Variants in RSPH14 observed in about 807,000 individuals in gnomAD.
RSPH14 encodes the protein radial spoke head 14 homolog.
Under a neutral mutation model 26.7 loss-of-function variants are expected in RSPH14, and 20 were observed. The ratio of observed to expected loss-of-function variants is 0.75; its 90% confidence interval spans 0.53 to 1.09. RSPH14 has a LOEUF of 1.09. Ranked by LOEUF, RSPH14 falls within the 50% of genes least tolerant of loss-of-function variation. The pLI is 0.00. For missense variants in RSPH14, 449 were observed against 457.2 expected (o/e 0.98, Z 0.16); for synonymous variants, 177 against 189.3 (o/e 0.93, Z 0.53).
At chr22:23,170,192 G>C in the RSPH14 span, among the ~76,000 whole-genome samples, 2 of 151,722 alleles carry the variant, frequency 1.3e-5, no homozygotes, top group African/African-American at 4.8e-5. Flanking sequence ...GAAATATACC[G>C]TTCCTAGGTA....
intron 4 of RSPH14, among the ~76,000 whole-genome samples, chr22:23,089,012 G>A (rs796626587): frequency 9.8e-5 from 15 of 152,320 alleles, no homozygotes; most frequent in African/African-American, 3.6e-4. Context: ...CAGGGTCTGT[G>A]TGTTGAACCA....
In RSPH14 at chr22:23,087,001, C is replaced by T. The variant is rs145740350; in HGVS notation, c.422-22868G>A. Among the ~76,000 whole-genome samples, 17 of 152,270 alleles carry T rather than the reference C, an allele frequency of 1.1e-4. No individual in the cohort carries two copies. In the South Asian group the frequency reaches 1.5e-3, roughly 13 times the overall value. On this transcript the variant is annotated intron_variant, in intron 4 of 6. Transcript: ENST00000216036. ...GGAAGCACATGCGGCTCCGATAAGT[C>T]GGGCGTAAAAGGGCAGTGGAAAGTG... is the stretch of plus-strand genomic sequence containing the variant.
intron 4 of RSPH14, among the ~76,000 whole-genome samples, chr22:23,064,819 C>T (rs1327922924): frequency 6.6e-6 from 1 of 152,118 alleles, no homozygotes; most frequent in Non-Finnish European, 1.5e-5. Flanking sequence ...AGGCAAGGCT[C>T]CCCCATAAAC....
At chr22:23,121,915 T>C (rs995167397) in intron 4 of RSPH14, among the ~76,000 whole-genome samples, 2 of 151,936 alleles carry the variant, frequency 1.3e-5, no homozygotes, top group African/African-American at 4.8e-5. Flanking sequence ...TTATTTTTAG[T>C]AGAGATGAAG....
At chr22:23,165,828 C>T in the RSPH14 span, among the ~76,000 whole-genome samples, 1 of 152,104 alleles carries the variant, frequency 6.6e-6, no homozygotes, top group Non-Finnish European at 1.5e-5. Flanking sequence ...GGCTTCCTCA[C>T]AGTGTGGTGG....
At chr22:23,144,703 A>AG (rs951740074), upstream of RSPH14, among the ~76,000 whole-genome samples, 3 of 152,206 alleles carry the variant, frequency 2.0e-5, no homozygotes, top group African/African-American at 7.2e-5. Flanking sequence ...AAAAAAAAAA[A>AG]AAGACATCAA....
At chr22:23,162,646 T>G in the RSPH14 span, 1 of 456,204 alleles carries the variant, frequency 2.2e-6, no homozygotes, top group Non-Finnish European at 4.4e-6. Flanking sequence ...GTTTTCTCAC[T>G]GCTATGAACC....
At chr22:23,085,599 G>T (rs940611722) in intron 4 of RSPH14, among the ~76,000 whole-genome samples, 1 of 152,176 alleles carries the variant, frequency 6.6e-6, no homozygotes, top group African/African-American at 2.4e-5. Flanking sequence ...GATAAGAGAT[G>T]GGCTCCAGCC....
At chr22:23,064,893 G>A (rs554479158) in intron 4 of RSPH14, among the ~76,000 whole-genome samples, 10 of 152,258 alleles carry the variant, frequency 6.6e-5, no homozygotes, top group South Asian at 2.1e-4. Flanking sequence ...TGATTGCCTA[G>A]AGAACCCAGC....
the RSPH14 span, among the ~76,000 whole-genome samples, chr22:23,177,122 C>T: frequency 6.6e-6 from 1 of 152,212 alleles, no homozygotes; most frequent in Non-Finnish European, 1.5e-5. Context: ...GATCCCACTT[C>T]CTACTGCCTA....
At chr22:23,087,501 C>T (rs191642263) in intron 4 of RSPH14, among the ~76,000 whole-genome samples, 28 of 152,242 alleles carry the variant, frequency 1.8e-4, no homozygotes, top group Admixed American at 1.6e-3. Context: ...TCACCTTGCC[C>T]GCTGCCTAGA....
intron 4 of RSPH14, among the ~76,000 whole-genome samples, chr22:23,101,313 C>T (rs1435257977): frequency 6.6e-6 from 1 of 152,114 alleles, no homozygotes; most frequent in Non-Finnish European, 1.5e-5. Flanking sequence ...TGGCCCCCCT[C>T]TTCACCATAC....
chr22:23,150,170 G>T, the RSPH14 span: 1 of 1,594,668 alleles, frequency 6.3e-7, no homozygotes, highest in South Asian at 1.1e-5. Context: ...CCTGCAGGGT[G>T]TGGGATGGGG....
chr22:23,148,984 A>G (rs953360367), upstream of RSPH14, among the ~76,000 whole-genome samples: 4 of 152,188 alleles, frequency 2.6e-5, no homozygotes, highest in African/African-American at 9.7e-5. Flanking sequence ...CCTGTTTAAT[A>G]TTTAAGGAAA....
At chr22:23,129,020 A>G (rs1335353591) in intron 4 of RSPH14, among the ~76,000 whole-genome samples, 1 of 152,134 alleles carries the variant, frequency 6.6e-6, no homozygotes, top group African/African-American at 2.4e-5. Flanking sequence ...TAAGCCACAC[A>G]GGTGACACCC....
chr22:23,060,063 C>G (rs2068059999), intron 6 of RSPH14, among the ~76,000 whole-genome samples: 1 of 152,164 alleles, frequency 6.6e-6, no homozygotes, highest in Non-Finnish European at 1.5e-5. Flanking sequence ...CCTACAGTCC[C>G]AGCTACTCAG....
At chr22:23,130,138 A>AGAAG (rs2070309757) in intron 4 of RSPH14, among the ~76,000 whole-genome samples, 1 of 116,410 alleles carries the variant, frequency 8.6e-6, no homozygotes, top group African/African-American at 3.1e-5. Context: ...AAAGAAAGAA[A>AGAAG]GAAAGAAAGA....
At chr22:23,133,946 C>G (rs2070412709) in intron 4 of RSPH14, 80 bp downstream of exon 4, 1 of 933,856 alleles carries the variant, frequency 1.1e-6, no homozygotes, top group South Asian at 1.3e-5. Context: ...GATCTACACC[C>G]TGGTACATAT....
chr22:23,060,932 A>C (rs545049879), intron 6 of RSPH14, among the ~76,000 whole-genome samples: 1 of 152,254 alleles, frequency 6.6e-6, no homozygotes, highest in Admixed American at 6.5e-5. Flanking sequence ...GCCTGGACCG[A>C]GAAGGACACT....
Sources: allele counts gnomAD v4.1 joint callset (sites outside exome capture counted in the v4.1 genomes callset), GRCh38; gene constraint gnomAD v4.1.1; transcripts MANE v1.5; gene names NCBI Gene and HGNC (gene_info 2026-07-23, HGNC 2026-07-21).